ARHGAP44: variants seen among roughly 807,000 people sequenced by gnomAD.
ARHGAP44 encodes the protein Rho GTPase activating protein 44.
In ARHGAP44, 43 loss-of-function variants were observed where a neutral mutation model predicts 106.8. The observed-to-expected ratio is 0.40, with a 90% CI of 0.32 to 0.52. The LOEUF is 0.52. ARHGAP44 is among the 20% of genes least tolerant of loss of function. ARHGAP44 has a pLI of 0.48. For missense variants in ARHGAP44, 866 were observed against 1,050.5 expected, an observed-to-expected ratio of 0.82 and a Z score of 2.43; for synonymous variants, 439 against 410.3, an observed-to-expected ratio of 1.07 and a Z score of -0.85.
chr17:12,987,043 C>G, intron 20 of ARHGAP44: 7 of 946,310 alleles, frequency 7.4e-6, no homozygotes, highest in Non-Finnish European at 8.6e-6. Context: ...TTTTTTGTGA[C>G]GTTCATGTTT....
At chr17:12,957,253 C>T (rs765146571) in intron 15 of ARHGAP44, among the ~76,000 whole-genome samples, 10 of 152,330 alleles carry the variant, frequency 6.6e-5, no homozygotes, top group East Asian at 5.8e-4. Flanking sequence ...CCACTGTGCC[C>T]GGCCTGTAAT....
intron 17 of ARHGAP44, 46 bp downstream of exon 17, chr17:12,973,365 A>G (rs879080012): frequency 5.0e-6 from 8 of 1,588,470 alleles, no homozygotes; most frequent in Non-Finnish European, 6.0e-6. Flanking sequence ...AGTCTCTTCA[A>G]CTGAGCCACC....
Position 12,990,221 on chromosome 17 carries a change from G to GA in ARHGAP44, c.*52dup. ...CGTGTACATACATCACGGGCCCTAGGAACGCCGCCAGGAGCAGCGTCCATG... is the reference window on the plus strand; with the variant it reads ...CGTGTACATACATCACGGGCCCTAGGAAACGCCGCCAGGAGCAGCGTCCATG... On this transcript the variant is annotated 3_prime_UTR_variant, in exon 21 of 21. Coordinates refer to ENST00000379672, the MANE Select transcript of ARHGAP44 (RefSeq NM_014859.6). The GA allele has an allele frequency of 6.4e-7, 1 of 1,574,058 alleles. No homozygotes were observed. The highest frequency in any genetic ancestry group is 8.7e-7 in the Non-Finnish European group (1 of 1,151,034).
chr17:12,915,046 T>C (rs1394591158), intron 4 of ARHGAP44, among the ~76,000 whole-genome samples: 1 of 152,190 alleles, frequency 6.6e-6, no homozygotes, highest in African/African-American at 2.4e-5. Flanking sequence ...TTTGTTTGTT[T>C]ATGTGTTTTT....
At position 12,931,519 on chromosome 17, in the gene ARHGAP44, C is replaced by T. The variant is rs112042919; in HGVS notation, c.582+2473C>T. On this transcript the variant is annotated intron_variant, in intron 7 of 20. Transcript: ENST00000379672. ...TTTTATTTATTTATTTTTTTTGAGA[C>T]GGAGTCTTGCTCTGTCACCCAGGCT... 4.8e-3 allele frequency among the ~76,000 whole-genome samples: 725 copies of T among 151,892 alleles called. 25 individuals are homozygous for T. In the South Asian group the frequency reaches 0.091, roughly 19 times the overall value.
At chr17:12,841,702 TCTTA>T (rs1439517950) in intron 1 of ARHGAP44, among the ~76,000 whole-genome samples, 1 of 151,854 alleles carries the variant, frequency 6.6e-6, no homozygotes, top group Non-Finnish European at 1.5e-5. Flanking sequence ...GGGGCTCCAT[TCTTA>T]CTTTCTCCAC....
rs573245889 is a variant in ARHGAP44 at position 12,987,302 on chromosome 17, GT to G, written c.2317+2396del. The G allele has an allele frequency of 1.0e-3, 654 of 636,916 alleles. 2 individuals carry two copies. The highest frequency in any genetic ancestry group is 1.4e-3 in the Non-Finnish European group (568 of 394,722). The allele number at this position is 636,916 out of a possible 1,614,324, so 39.5% of individuals were successfully genotyped here. A position where few individuals can be genotyped will look rare whatever the true frequency, so the allele number is the denominator to read the frequency against. ...CCTTCCCCGGCCTCAGCAAGGATGA[GT>G]TGATCCATGAGCTTATTTGGCTTTG... On this transcript the variant is annotated intron_variant, in intron 20 of 20. Coordinates refer to ENST00000379672, the MANE Select transcript of ARHGAP44 (RefSeq NM_014859.6).
At chr17:12,901,636 C>A (rs2037378553) in intron 3 of ARHGAP44, among the ~76,000 whole-genome samples, 1 of 152,024 alleles carries the variant, frequency 6.6e-6, no homozygotes, top group Non-Finnish European at 1.5e-5. Flanking sequence ...GTCTCAACCC[C>A]AAGTGACTGT....
rs1183817266 is a variant in ARHGAP44 at position 12,958,936 on chromosome 17, G to A, written c.1523+39G>A. On this transcript the variant is annotated intron_variant, in intron 16 of 20. Transcript: ENST00000379672. This position sits in a 1 kb window ranked among gnomAD's most constrained non-coding sequence, Gnocchi z 4.1. ...TCTCTTTCTCAGCACTGGGGATTAG[G>A]GGAGGTGGTGGGGGTGGATGGGTGA... is the stretch of plus-strand genomic sequence containing the variant. 3 of 1,574,420 alleles carry A rather than the reference G, an allele frequency of 1.9e-6. No individual in the cohort carries two copies. The highest frequency in any genetic ancestry group is 1.9e-5 in the Admixed American group (1 of 53,442).
At chr17:12,822,445 T>C (rs949285884) in intron 1 of ARHGAP44, among the ~76,000 whole-genome samples, 1 of 152,180 alleles carries the variant, frequency 6.6e-6, no homozygotes, top group Non-Finnish European at 1.5e-5. Flanking sequence ...GGAAGAGTGA[T>C]AGCATTCCTG....
chr17:12,973,498 A>C, intron 17 of ARHGAP44, 179 bp downstream of exon 17: 1 of 658,088 alleles, frequency 1.5e-6, no homozygotes, highest in South Asian at 1.9e-5. Context: ...CATAGGCACA[A>C]GCAGCCCCTT....
At chr17:12,875,614 A>T (rs2036527482) in intron 1 of ARHGAP44, among the ~76,000 whole-genome samples, 1 of 151,852 alleles carries the variant, frequency 6.6e-6, no homozygotes, top group South Asian at 2.1e-4. Context: ...ATAAATAAAA[A>T]GGGGGGGTGC....
intron 1 of ARHGAP44, among the ~76,000 whole-genome samples, chr17:12,838,604 C>T (rs1168625057): frequency 6.6e-6 from 1 of 152,060 alleles, no homozygotes; most frequent in Non-Finnish European, 1.5e-5. Context: ...CTGGAAAATT[C>T]CCTCTGAATT....
chr17:12,885,151 G>A (rs547567559), intron 1 of ARHGAP44, among the ~76,000 whole-genome samples: 6 of 152,210 alleles, frequency 3.9e-5, no homozygotes, highest in African/African-American at 1.2e-4. Flanking sequence ...TGCCCTCCTC[G>A]GCCTCCCAAA....
chr17:12,860,360 ACTGT>A lies in ARHGAP44; in HGVS notation c.54-34576_54-34573del, dbSNP rs1679634800. Among the ~76,000 whole-genome samples the A allele has an allele frequency of 3.3e-5, 5 of 152,286 alleles. No individual in the cohort carries two copies. In the South Asian group the frequency reaches 1.0e-3, roughly 32 times the overall value. ...ATACCCTCTTGTCTCTTGTCAGATA[ACTGT>A]CTGGAAAGTGCAGGCTTGTTATATA... On this transcript the variant is annotated intron_variant, in intron 1 of 20. Transcript: ENST00000379672.
At chr17:12,807,267 CT>C (rs1343064513) in intron 1 of ARHGAP44, among the ~76,000 whole-genome samples, 1 of 152,098 alleles carries the variant, frequency 6.6e-6, no homozygotes, top group African/African-American at 2.4e-5. Flanking sequence ...TCCTCAGTGA[CT>C]GTGAATTGCC....
chr17:12,930,880 C>G (rs1297404439), intron 7 of ARHGAP44, among the ~76,000 whole-genome samples: 1 of 152,182 alleles, frequency 6.6e-6, no homozygotes, highest in East Asian at 1.9e-4. Flanking sequence ...TAGAAACCTC[C>G]CCACCAATAT....
At chr17:12,792,395 G>C (rs2033791255) in intron 1 of ARHGAP44, among the ~76,000 whole-genome samples, 1 of 152,176 alleles carries the variant, frequency 6.6e-6, no homozygotes, top group Non-Finnish European at 1.5e-5. Context: ...TGCCTGTGTA[G>C]ATAGTGCAAT....
At chr17:12,940,009 T>C (rs527972455) in intron 7 of ARHGAP44, among the ~76,000 whole-genome samples, 3 of 152,320 alleles carry the variant, frequency 2.0e-5, no homozygotes, top group East Asian at 3.9e-4. Flanking sequence ...GAGAATAGGC[T>C]TAATTAGCAG....
Sources: allele counts gnomAD v4.1 joint callset (sites outside exome capture counted in the v4.1 genomes callset), GRCh38; gene constraint gnomAD v4.1.1; non-coding constraint Gnocchi (gnomAD v3.1); transcripts MANE v1.5; gene names NCBI Gene and HGNC (gene_info 2026-07-23, HGNC 2026-07-21).